The following HPSE2 variants were observed in gnomAD, a reference collection of about 807,000 sequenced individuals.
HPSE2 encodes the protein inactive heparanase-2.
A neutral mutation model predicts 60.5 loss-of-function variants in HPSE2; 38 were observed. That is an observed-to-expected ratio of 0.63 (90% CI 0.48 to 0.82). The LOEUF is 0.82. Ranked by LOEUF, HPSE2 falls within the 40% of genes least tolerant of loss-of-function variation. The pLI is 0.00. For synonymous variants in HPSE2, 295 were observed against 293.2 expected (o/e 1.01, Z -0.06); for missense variants, 713 against 740.4 (o/e 0.96, Z 0.43).
chr10:98,794,220 G>T (rs994791303), intron 3 of HPSE2, among the ~76,000 whole-genome samples: 5 of 151,554 alleles, frequency 3.3e-5, no homozygotes, highest in Non-Finnish European at 5.9e-5. Flanking sequence ...GTTATTGAGA[G>T]CCCAGCATTA....
intron 3 of HPSE2, among the ~76,000 whole-genome samples, chr10:98,984,693 T>C (rs928685223): frequency 6.6e-6 from 1 of 152,068 alleles, no homozygotes; most frequent in Non-Finnish European, 1.5e-5. Context: ...CAAACTACTC[T>C]GAGCTAAAGG....
intron 11 of HPSE2, among the ~76,000 whole-genome samples, chr10:98,470,896 A>T (rs1940753116): frequency 6.6e-6 from 1 of 152,204 alleles, no homozygotes. Context: ...CTGAGAACAA[A>T]CAAAAAACTC....
At chr10:98,499,395 C>A (rs545404721) in intron 9 of HPSE2, among the ~76,000 whole-genome samples, 18 of 152,028 alleles carry the variant, frequency 1.2e-4, no homozygotes, top group Non-Finnish European at 1.6e-4. Flanking sequence ...TTGAATCCAG[C>A]GAAACTAAGC....
chr10:99,291,585 A>G, the HPSE2 span, among the ~76,000 whole-genome samples: 2 of 4,386 alleles, frequency 4.6e-4, no homozygotes. Flanking sequence ...TCCATCTGAA[A>G]AAAAAAAAAA....
chr10:99,206,283 T>C (rs1848741875), intron 2 of HPSE2, among the ~76,000 whole-genome samples: 1 of 152,166 alleles, frequency 6.6e-6, no homozygotes, highest in Non-Finnish European at 1.5e-5. Context: ...AGAAGGCTAT[T>C]AGTACTTATG....
the HPSE2 span, among the ~76,000 whole-genome samples, chr10:99,282,674 A>C: frequency 6.6e-6 from 1 of 152,216 alleles, no homozygotes; most frequent in Non-Finnish European, 1.5e-5. Context: ...CAATCACAAT[A>C]GAAAGAAACC....
chr10:98,577,493 A>T (rs1374029803), intron 9 of HPSE2, among the ~76,000 whole-genome samples: 2 of 152,168 alleles, frequency 1.3e-5, no homozygotes, highest in Non-Finnish European at 1.5e-5. Flanking sequence ...ACCTAGCCCT[A>T]ATCAAGCCCC....
Position 98,952,395 on chromosome 10 carries a change from T to G in HPSE2, c.610+191843A>C, listed in dbSNP as rs1240902025. On this transcript the variant is annotated intron_variant, in intron 3 of 11. Coordinates refer to ENST00000370552, the MANE Select transcript of HPSE2 (RefSeq NM_021828.5). ...ATAGTAGGGCAAAATGGGCAAGGGT[T>G]TGGAAGGTGGAAAGGAGTGGAAGGT... Among the ~76,000 whole-genome samples, 29 of 148,766 alleles carry G rather than the reference T, an allele frequency of 1.9e-4. No individual in the cohort carries two copies. In the Admixed American group the frequency reaches 2.0e-3, roughly 10 times the overall value.
At chr10:99,026,325 T>C (rs1223799095) in intron 3 of HPSE2, among the ~76,000 whole-genome samples, 2 of 152,090 alleles carry the variant, frequency 1.3e-5, no homozygotes, top group African/African-American at 2.4e-5. Flanking sequence ...CAGGAGTCAC[T>C]ATACTTTATC....
At chr10:98,479,074 C>T (rs1445276925) in intron 11 of HPSE2, among the ~76,000 whole-genome samples, 1 of 152,178 alleles carries the variant, frequency 6.6e-6, no homozygotes, top group Non-Finnish European at 1.5e-5. Flanking sequence ...GTTGCCCTTT[C>T]AGAGATTTCA....
At chr10:99,009,455 C>T (rs1956964575) in intron 3 of HPSE2, among the ~76,000 whole-genome samples, 1 of 151,962 alleles carries the variant, frequency 6.6e-6, no homozygotes, top group Non-Finnish European at 1.5e-5. Context: ...CAGGACTGAA[C>T]ATCAGGGATA....
intron 3 of HPSE2, among the ~76,000 whole-genome samples, chr10:99,057,666 T>C (rs1466613559): frequency 1.3e-5 from 2 of 152,178 alleles, no homozygotes; most frequent in African/African-American, 2.4e-5. Flanking sequence ...AGCAGTTGCT[T>C]CCTCAGTAGA....
the HPSE2 span, among the ~76,000 whole-genome samples, chr10:99,306,004 C>CACACACACACACACACACACAA: frequency 6.6e-6 from 1 of 150,428 alleles, no homozygotes. Flanking sequence ...CACACACACA[C>CACACACACACACACACACACAA]ACACACACAC....
At chr10:99,274,022 T>C in the HPSE2 span, among the ~76,000 whole-genome samples, 1 of 152,200 alleles carries the variant, frequency 6.6e-6, no homozygotes, top group Non-Finnish European at 1.5e-5. Flanking sequence ...GTAACATTTG[T>C]ATAAGTAAAG....
intron 6 of HPSE2, among the ~76,000 whole-genome samples, chr10:98,671,922 A>G (rs1464627311): frequency 6.6e-6 from 1 of 152,184 alleles, no homozygotes; most frequent in African/African-American, 2.4e-5. Flanking sequence ...CTCCCCTCAA[A>G]GCTTGTGAGG....
intron 4 of HPSE2, among the ~76,000 whole-genome samples, chr10:98,723,876 TA>T (rs1948995006): frequency 6.6e-6 from 1 of 152,190 alleles, no homozygotes; most frequent in African/African-American, 2.4e-5. Context: ...TTAGTCTTGC[TA>T]GCGGTCTATC....
chr10:98,475,580 C>CCTCAGAAATATA (rs1564904614), intron 11 of HPSE2, among the ~76,000 whole-genome samples: 4 of 151,802 alleles, frequency 2.6e-5, no homozygotes, highest in African/African-American at 9.7e-5. Context: ...TGGCATCTTT[C>CCTCAGAAATATA]CCTCTGAGAA....
chr10:98,495,959 T>C (rs1262040154), intron 9 of HPSE2, among the ~76,000 whole-genome samples: 1 of 152,196 alleles, frequency 6.6e-6, no homozygotes, highest in East Asian at 1.9e-4. Flanking sequence ...GTTGTTGTTG[T>C]TGGAAACTGG....
chr10:98,678,574 C>CAGT, intron 6 of HPSE2, among the ~76,000 whole-genome samples: 1 of 152,078 alleles, frequency 6.6e-6, no homozygotes, highest in East Asian at 1.9e-4. Context: ...GGCTCCAGGG[C>CAGT]AGTAGTAGTT....
Sources: gnomAD v4.1 joint callset for allele counts (sites outside exome capture counted in the v4.1 genomes callset) on GRCh38, gnomAD v4.1.1 for gene constraint, MANE v1.5 for transcripts, NCBI Gene and HGNC (gene_info 2026-07-23, HGNC 2026-07-21) for gene names.